Variants in KCTD1 observed in about 807,000 individuals in gnomAD.
The protein encoded by KCTD1 is BTB/POZ domain-containing protein KCTD1.
Under a neutral mutation model 66.0 loss-of-function variants are expected in KCTD1, and 24 were observed. That is an observed-to-expected ratio of 0.36 (90% CI 0.26 to 0.51). The LOEUF (loss-of-function observed/expected upper bound fraction) is 0.51, where lower values mean the gene tolerates loss of function less well. Among genes scored for constraint, KCTD1 ranks in the 20% least tolerant of loss-of-function variants. The pLI, the probability that KCTD1 is intolerant of heterozygous loss-of-function variation, is 0.95. For synonymous variants in KCTD1, 511 were observed against 517.2 expected, an observed-to-expected ratio of 0.99 and a Z score of 0.16; for missense variants, 943 against 1,205.2, an observed-to-expected ratio of 0.78 and a Z score of 3.22.
chr18:26,579,837 C>T (rs558264022), intron 1 of KCTD1, among the ~76,000 whole-genome samples: 2 of 152,254 alleles, frequency 1.3e-5, no homozygotes, highest in South Asian at 4.2e-4. Context: ...TGGGCACCCT[C>T]TCTTGGTGCT....
chr18:26,629,735 T>G (rs2145038831), upstream of KCTD1, among the ~76,000 whole-genome samples: 1 of 151,490 alleles, frequency 6.6e-6, no homozygotes, highest in South Asian at 2.1e-4. Context: ...TTTTTTTTTT[T>G]TTGACAGAAT....
rs77630041 is a variant in KCTD1 at position 26,592,619 on chromosome 18, A to G, written c.-16+36528T>C. ...GCCCTATATGTTCTTGCCCTTCTCT[A>G]CTCCAAAGATCTTGACTTCCATCCA... On this transcript the variant is annotated intron_variant, in intron 1 of 4. Coordinates refer to the KCTD1 transcript ENST00000317932. Among the ~76,000 whole-genome samples, 22 of 152,200 alleles carry G rather than the reference A, an allele frequency of 1.4e-4. No homozygotes were observed. The East Asian group carries it at 4.3e-3, about 29-fold the overall frequency.
intron 1 of KCTD1, among the ~76,000 whole-genome samples, chr18:26,555,357 G>A (rs937523766): frequency 5.3e-5 from 8 of 152,148 alleles, no homozygotes; most frequent in African/African-American, 1.7e-4. Flanking sequence ...CCTGGGAGGC[G>A]AAGGTTGCAA....
intron 1 of KCTD1, chr18:26,543,961 G>A (rs1412146145): frequency 6.6e-6 from 1 of 152,150 alleles, no homozygotes; most frequent in Non-Finnish European, 1.5e-5. Flanking sequence ...CTGAAGTACT[G>A]TTCTCTGAGG....
intron 1 of KCTD1, among the ~76,000 whole-genome samples, chr18:26,512,555 T>G (rs1324641844): frequency 2.0e-5 from 3 of 152,156 alleles, no homozygotes; most frequent in Non-Finnish European, 4.4e-5. Context: ...ATTTAGAAAA[T>G]GTTGGCTGGT....
chr18:26,521,917 A>G (rs926278439), intron 1 of KCTD1, among the ~76,000 whole-genome samples: 3 of 152,198 alleles, frequency 2.0e-5, no homozygotes, highest in African/African-American at 7.2e-5. Flanking sequence ...GTCAAAATTC[A>G]CTAAACTGTA....
At chr18:26,611,924 T>C (rs140675939) in intron 1 of KCTD1, among the ~76,000 whole-genome samples, 2 of 152,302 alleles carry the variant, frequency 1.3e-5, no homozygotes, top group Admixed American at 1.3e-4. Context: ...ATTTGTTAGG[T>C]GGCTCTGGAG....
upstream of KCTD1, among the ~76,000 whole-genome samples, chr18:26,642,786 C>T (rs566973196): frequency 7.8e-4 from 117 of 149,066 alleles, no homozygotes; most frequent in East Asian, 6.1e-4. Context: ...TTCCATTCTA[C>T]GTTTTGTAAT....
intron 1 of KCTD1, among the ~76,000 whole-genome samples, chr18:26,628,022 G>A (rs761663729): frequency 1.3e-4 from 20 of 152,254 alleles, no homozygotes; most frequent in Admixed American, 3.3e-4. Context: ...CATGTGATCT[G>A]CCAGGAGTGG....
intron 1 of KCTD1, among the ~76,000 whole-genome samples, chr18:26,649,364 T>C (rs1987985451): frequency 6.6e-6 from 1 of 152,078 alleles, no homozygotes; most frequent in African/African-American, 2.4e-5. Context: ...AGTAAGTGGA[T>C]TGCACCAGAT....
chr18:26,594,504 C>G (rs1419380958), intron 1 of KCTD1, among the ~76,000 whole-genome samples: 1 of 152,060 alleles, frequency 6.6e-6, no homozygotes, highest in Non-Finnish European at 1.5e-5. Flanking sequence ...GTTCCTATGA[C>G]AGAGAAATTA....
intron 4 of KCTD1, chr18:26,456,503 A>G (rs932404117): frequency 2.0e-5 from 3 of 152,262 alleles, no homozygotes; most frequent in African/African-American, 7.2e-5. Flanking sequence ...TGAAGACACT[A>G]GAGGATTATC....
chr18:26,610,597 G>GAAGGAAGGAAGGAAGGAAT (rs1568008858), intron 1 of KCTD1, among the ~76,000 whole-genome samples: 7 of 146,940 alleles, frequency 4.8e-5, no homozygotes, highest in Non-Finnish European at 7.5e-5. Context: ...GAGAAAGAAA[G>GAAGGAAGGAAGGAAGGAAT]GAAGGAAGGA....
intron 1 of KCTD1, among the ~76,000 whole-genome samples, chr18:26,649,444 A>T (rs1251873192): frequency 6.6e-6 from 1 of 151,936 alleles, no homozygotes; most frequent in Non-Finnish European, 1.5e-5. Flanking sequence ...GGAGGTGCTG[A>T]TCCTTCCAGC....
At chr18:26,528,786 G>A (rs768267650) in intron 1 of KCTD1, among the ~76,000 whole-genome samples, 8 of 152,102 alleles carry the variant, frequency 5.3e-5, no homozygotes, top group Non-Finnish European at 7.3e-5. Context: ...CAAAATGGAC[G>A]ACTCCCTTTG....
intron 1 of KCTD1, among the ~76,000 whole-genome samples, chr18:26,656,648 G>T (rs1406588932): frequency 6.6e-6 from 1 of 151,126 alleles, no homozygotes; most frequent in Non-Finnish European, 1.5e-5. Context: ...AGTCCGCTCG[G>T]CCGCCACAAT....
intron 1 of KCTD1, among the ~76,000 whole-genome samples, chr18:26,578,577 A>T (rs917946489): frequency 4.6e-5 from 7 of 152,180 alleles, no homozygotes; most frequent in Non-Finnish European, 7.3e-5. Context: ...GCTGAACTCA[A>T]CTGAACCAAC....
chr18:26,601,802 T>C (rs960050321), intron 1 of KCTD1, among the ~76,000 whole-genome samples: 6 of 152,236 alleles, frequency 3.9e-5, no homozygotes, highest in South Asian at 4.1e-4. Context: ...TATTATTGTA[T>C]TGTTCATTAT....
At chr18:26,479,693 A>C (rs1215065622) in intron 2 of KCTD1, among the ~76,000 whole-genome samples, 1 of 152,210 alleles carries the variant, frequency 6.6e-6, no homozygotes, top group Non-Finnish European at 1.5e-5. Flanking sequence ...AGGGCTGCTG[A>C]TTTCTGCCAA....
Sources: allele counts gnomAD v4.1 joint callset (sites outside exome capture counted in the v4.1 genomes callset), GRCh38; gene constraint gnomAD v4.1.1; transcripts MANE v1.5; gene names NCBI Gene and HGNC (gene_info 2026-07-23, HGNC 2026-07-21).